The following PCDHGA2 variants were observed in gnomAD, a reference collection of about 807,000 sequenced individuals.
The protein encoded by PCDHGA2 is protocadherin gamma-A2.
PCDHGA2 carries 40 observed loss-of-function variants against 59.2 expected under a neutral mutation model. The observed-to-expected ratio is 0.68, with a 90% CI of 0.52 to 0.88. PCDHGA2 has a LOEUF of 0.88. Ranked by LOEUF, PCDHGA2 falls within the 40% of genes least tolerant of loss-of-function variation. The pLI is 0.00. For missense variants in PCDHGA2, 1,226 were observed against 1,204.0 expected, an observed-to-expected ratio of 1.02 and a Z score of -0.27; for synonymous variants, 560 against 526.0, an observed-to-expected ratio of 1.06 and a Z score of -0.89.
At chr5:141,351,402 A>G (rs1326706527) in intron 1 of PCDHGA2, 2 of 1,611,502 alleles carry the variant, frequency 1.2e-6, no homozygotes, top group Admixed American at 1.7e-5. Context: ...GTGACATGCT[A>G]TACTCAGGAA....
At chr5:141,413,775 G>T in intron 1 of PCDHGA2, 1 of 1,612,878 alleles carries the variant, frequency 6.2e-7, no homozygotes, top group South Asian at 1.1e-5. Context: ...AGCTGGTACT[G>T]GAGCACTCCC....
chr5:141,362,498 A>G, intron 1 of PCDHGA2: 2 of 1,614,032 alleles, frequency 1.2e-6, no homozygotes, highest in Non-Finnish European at 1.7e-6. Context: ...GCCTCTTGGG[A>G]ACAAAATACA....
intron 1 of PCDHGA2, chr5:141,374,893 T>C (rs1261699013): frequency 1.9e-6 from 3 of 1,613,834 alleles, no homozygotes. Context: ...CCGACCAGGA[T>C]GAAGGAGTCC....
At chr5:141,360,435 T>C in intron 1 of PCDHGA2, 1 of 1,613,990 alleles carries the variant, frequency 6.2e-7, no homozygotes, top group Non-Finnish European at 8.5e-7. Flanking sequence ...GGAAGCAGCC[T>C]CTGTGTGTTC....
At position 141,489,425 on chromosome 5, in the gene PCDHGA2, G is replaced by C. The variant is rs779739693; in HGVS notation, c.2425-5382G>C. On this transcript the variant is annotated intron_variant, in intron 1 of 3. Transcript: ENST00000394576. This position sits in a 1 kb window ranked among gnomAD's most constrained non-coding sequence, Gnocchi z 4.5. ...TTAAAGATGACAGATCTGTTGAGCC[G>C]GCGGCTGCAATTGGGCTCTGAGGAG... The C allele has an allele frequency of 4.3e-6, 7 of 1,614,118 alleles. No individual in the cohort carries two copies. The highest frequency in any genetic ancestry group is 1.1e-5 in the South Asian group (1 of 91,070).
intron 1 of PCDHGA2, chr5:141,384,749 T>C (rs781370362): frequency 5.0e-6 from 8 of 1,613,822 alleles, no homozygotes; most frequent in Non-Finnish European, 4.2e-6. Flanking sequence ...CCAGGACTCT[T>C]TGCGGTTGGG....
intron 1 of PCDHGA2, chr5:141,357,715 G>C: frequency 6.9e-7 from 1 of 1,449,624 alleles, no homozygotes; most frequent in Non-Finnish European, 9.2e-7. Context: ...ATCAAATAAA[G>C]TTGCCTCTTT....
intron 1 of PCDHGA2, chr5:141,350,990 T>C (rs1193201622): frequency 1.2e-6 from 2 of 1,614,052 alleles, no homozygotes; most frequent in Admixed American, 1.7e-5. Context: ...CCAGGAGGTA[T>C]ACAGGGTTAG....
At chr5:141,408,192 C>A (rs2095055859) in intron 1 of PCDHGA2, 1 of 1,545,004 alleles carries the variant, frequency 6.5e-7, no homozygotes, top group South Asian at 1.2e-5. Flanking sequence ...CAGCGAGAAC[C>A]CGAGCGAACG....
intron 1 of PCDHGA2, among the ~76,000 whole-genome samples, chr5:141,482,530 C>CAAAAAAAAAA (rs3074545): frequency 1.2e-3 from 90 of 76,428 alleles, no homozygotes; most frequent in African/African-American, 1.7e-3. Context: ...GACAGACATG[C>CAAAAAAAAAA]AAAAAAAAAA....
Position 141,432,667 on chromosome 5 carries a change from C to T in PCDHGA2, c.2425-62140C>T, listed in dbSNP as rs1312138743. ...CGGCGCGAGCCCTGCTGGACAGAGACGCGCTCAAGCAGAGCCTCGTAGTGG... is the reference window on the plus strand; with the variant it reads ...CGGCGCGAGCCCTGCTGGACAGAGATGCGCTCAAGCAGAGCCTCGTAGTGG... On this transcript the variant is annotated intron_variant, in intron 1 of 3. Transcript: ENST00000394576. This position sits in a 1 kb window ranked among gnomAD's most constrained non-coding sequence, Gnocchi z 6.0. The T allele has an allele frequency of 1.2e-6, 2 of 1,613,876 alleles. No individual in the cohort carries two copies. The highest frequency in any genetic ancestry group is 1.1e-5 in the South Asian group (1 of 91,066).
rs762574320 is a variant in PCDHGA2, at chr5:141,485,926, G to T, written c.2425-8881G>T. 2.5e-6 allele frequency: 4 copies of T among 1,614,090 alleles called. No individual in the cohort carries two copies. The highest frequency in any genetic ancestry group is 3.4e-6 in the Non-Finnish European group (4 of 1,180,052). On this transcript the variant is annotated intron_variant, in intron 1 of 3. Transcript: ENST00000394576. This position sits in a 1 kb window ranked among gnomAD's most constrained non-coding sequence, Gnocchi z 5.7. Reference sequence around the variant, plus strand: ...AGCAATCCAGCTACAGGATTAGTGTGTTGGAGAGCGCACCAGCGGGCATGG... The same window carrying T: ...AGCAATCCAGCTACAGGATTAGTGTTTTGGAGAGCGCACCAGCGGGCATGG...
chr5:141,461,228 A>C (rs1472527415), intron 1 of PCDHGA2, among the ~76,000 whole-genome samples: 1 of 151,976 alleles, frequency 6.6e-6, no homozygotes, highest in Non-Finnish European at 1.5e-5. Flanking sequence ...TTTTCCATAG[A>C]GGTTGTACTA....
In PCDHGA2 at chr5:141,341,102, T is replaced by C. The variant is rs775144187; in HGVS notation, c.2131T>C (p.Leu711=). ...CGTCTTCCTGGCCTTCGTCATCGTG[T>C]TGCTGGCGCACAGGCTGCGGCGCTG... The part of the protein sequence containing the change: ...SCVFLAFVIV[L]LAHRLRRWHK... The change falls in exon 1 of 4, where the codon TTG becomes CTG. Residue 711 remains leucine (L), a synonymous_variant. Transcript: ENST00000394576. The C allele has an allele frequency of 4.9e-5, 79 of 1,614,078 alleles. No individual in the cohort carries two copies. Among genetic ancestry groups the C allele is most frequent in the Middle Eastern group, 3.3e-4 (2 of 6,050 alleles).
chr5:141,502,037 C>T (rs2154593041), intron 2 of PCDHGA2, among the ~76,000 whole-genome samples: 1 of 152,302 alleles, frequency 6.6e-6, no homozygotes, highest in East Asian at 1.9e-4. Context: ...CGCCGCTTGC[C>T]TGCTCTCCCT....
At position 141,400,271 on chromosome 5, in the gene PCDHGA2, C is replaced by A. The variant is rs2093993934; in HGVS notation, c.2424+58876C>A. The A allele has an allele frequency of 4.3e-6, 7 of 1,614,094 alleles. No individual in the cohort carries two copies. In the African/African-American group the frequency reaches 9.3e-5, roughly 21 times the overall value. The stretch of plus-strand genomic sequence containing the variant: ...GTTGCCTTGCGCCTGCGACGCTCCT[C>A]CAGCCCTGCCGCCTGGAGCTGCTTC... On this transcript the variant is annotated intron_variant, in intron 1 of 3. Transcript: ENST00000394576.
intron 1 of PCDHGA2, chr5:141,366,527 G>T (rs374836826): frequency 2.5e-6 from 4 of 1,614,142 alleles, no homozygotes; most frequent in Non-Finnish European, 3.4e-6. Context: ...CAGCAGGTTG[G>T]CGGGTGTGCC....
chr5:141,353,597 C>T (rs570615656), intron 1 of PCDHGA2, among the ~76,000 whole-genome samples: 6 of 152,284 alleles, frequency 3.9e-5, no homozygotes, highest in South Asian at 2.1e-4. Context: ...TCATAATTTT[C>T]TTAACCATTC....
chr5:141,384,708 G>T (rs1222018997), intron 1 of PCDHGA2: 3 of 1,614,116 alleles, frequency 1.9e-6, no homozygotes, highest in Non-Finnish European at 2.5e-6. Context: ...AGAACGCCTG[G>T]CTGTCATACC....
Sources: allele counts gnomAD v4.1 joint callset (sites outside exome capture counted in the v4.1 genomes callset), GRCh38; gene constraint gnomAD v4.1.1; non-coding constraint Gnocchi (gnomAD v3.1); transcripts MANE v1.5; gene names NCBI Gene and HGNC (gene_info 2026-07-23, HGNC 2026-07-21).